The following SPA17 variants were observed in gnomAD, a reference collection of about 807,000 sequenced individuals.
SPA17 encodes sperm surface protein Sp17.
SPA17 carries 7 observed loss-of-function variants against 13.8 expected under a neutral mutation model. That is an observed-to-expected ratio of 0.51 (90% CI 0.29 to 0.95). The LOEUF is 0.95. SPA17 is among the 40% of genes least tolerant of loss of function. The probability of loss-of-function intolerance (pLI) is 0.08; values close to 1 mark genes in which losing one functional copy is unlikely to be tolerated. For synonymous variants in SPA17, 61 were observed against 59.0 expected, an observed-to-expected ratio of 1.03 and a Z score of -0.16; for missense variants, 170 against 179.3, an observed-to-expected ratio of 0.95 and a Z score of 0.30.
At chr11:124,678,174 G>A (rs1199271273) in intron 2 of SPA17, among the ~76,000 whole-genome samples, 1 of 152,180 alleles carries the variant, frequency 6.6e-6, no homozygotes, top group African/African-American at 2.4e-5. Flanking sequence ...AGGAGTTTGA[G>A]TGAACAAACT....
rs767147209 is a variant in SPA17, at chr11:124,681,395, A to G, written c.161A>G (p.Asn54Ser). 8.3e-6 allele frequency: 13 copies of G among 1,573,856 alleles called. No individual in the cohort carries two copies. The highest frequency in any genetic ancestry group is 1.1e-5 in the Non-Finnish European group (13 of 1,157,020). ...ESLLEKREKT[N>S]FDPAEWGSKV... ...TTATATTTTTATTATTTAGAAACCA[A>G]CTTTGATCCAGCAGAATGGGGGAGT... Residue 54 changes from asparagine to serine, a missense_variant, in exon 3 of 5, where the codon AAC becomes AGC. Asn to Ser is a conservative substitution (Grantham distance 46, BLOSUM62 1). Transcript: ENST00000227135.
At chr11:124,680,407 T>C (rs919520728) in intron 2 of SPA17, among the ~76,000 whole-genome samples, 13 of 152,124 alleles carry the variant, frequency 8.5e-5, no homozygotes, top group African/African-American at 3.1e-4. Context: ...CAGAAACATC[T>C]GAACTGTGAA....
chr11:124,683,427 A>G (rs1943545941), intron 3 of SPA17, among the ~76,000 whole-genome samples: 1 of 152,128 alleles, frequency 6.6e-6, no homozygotes, highest in East Asian at 1.9e-4. Flanking sequence ...CCAGAAAGCA[A>G]TTAACAATAA....
intron 2 of SPA17, among the ~76,000 whole-genome samples, chr11:124,680,043 T>C (rs969915834): frequency 6.6e-6 from 1 of 152,202 alleles, no homozygotes; most frequent in African/African-American, 2.4e-5. Context: ...CTTTAACCTT[T>C]CTTTTCTGTA....
intron 4 of SPA17, among the ~76,000 whole-genome samples, chr11:124,694,068 G>A (rs1233723340): frequency 2.0e-5 from 3 of 152,142 alleles, no homozygotes; most frequent in Non-Finnish European, 2.9e-5. Flanking sequence ...AAGAAAGTTG[G>A]CAATGATCTT....
chr11:124,692,761 C>T lies in SPA17; in HGVS notation c.312+979C>T, dbSNP rs76352627. Among the ~76,000 whole-genome samples, 1,514 of 152,224 alleles carry T rather than the reference C, an allele frequency of 9.9e-3. 11 individuals carry two copies. Among genetic ancestry groups the T allele is most frequent in the Non-Finnish European group, 0.016 (1,110 of 67,996 alleles). On this transcript the variant is annotated intron_variant, in intron 4 of 4. Coordinates refer to ENST00000227135, the MANE Select transcript of SPA17 (RefSeq NM_017425.4). The stretch of plus-strand genomic sequence containing the variant: ...AAAACACTTACCAGTACATCATTGT[C>T]TATATTCTTCATACTCCAGACTCTT...
At chr11:124,691,806 A>G (rs1016526269) in intron 4 of SPA17, 24 bp downstream of exon 4, 8 of 1,489,710 alleles carry the variant, frequency 5.4e-6, no homozygotes, top group African/African-American at 2.8e-5. Context: ...TTCATGTACT[A>G]TTGGATTCCT....
chr11:124,688,394 G>A (rs1343668931), intron 3 of SPA17, among the ~76,000 whole-genome samples: 1 of 152,146 alleles, frequency 6.6e-6, no homozygotes, highest in East Asian at 1.9e-4. Context: ...CTGTAAAGTT[G>A]CAGGATACAA....
At chr11:124,684,362 A>C (rs1179576958) in intron 3 of SPA17, among the ~76,000 whole-genome samples, 1 of 152,080 alleles carries the variant, frequency 6.6e-6, no homozygotes, top group African/African-American at 2.4e-5. Context: ...CCTGGGTTCA[A>C]GTGATTCTCC....
Position 124,695,279 on chromosome 11 carries a change from A to T in SPA17, c.*833A>T, listed in dbSNP as rs1468173371. On this transcript the variant is annotated 3_prime_UTR_variant, in exon 5 of 5. Transcript: ENST00000227135. Reference sequence around the variant, plus strand: ...ACACTCATACAACTTACAATGCTTTATTGTTTTGCTCTCCAGAACCACACA... The same window carrying T: ...ACACTCATACAACTTACAATGCTTTTTTGTTTTGCTCTCCAGAACCACACA... 2.0e-5 allele frequency: 3 copies of T among 152,228 alleles called. No individual in the cohort carries two copies. Among genetic ancestry groups the T allele is most frequent in the Non-Finnish European group, 4.4e-5 (3 of 68,048 alleles). 9.4% of individuals were successfully genotyped at this position (152,228 alleles called of 1,614,324 possible).
At chr11:124,679,065 A>C (rs986601948) in intron 2 of SPA17, among the ~76,000 whole-genome samples, 1 of 151,390 alleles carries the variant, frequency 6.6e-6, no homozygotes, top group Admixed American at 6.6e-5. Flanking sequence ...TGAACCCAGG[A>C]GGCGGAAGTT....
chr11:124,693,817 T>G (rs1297608017), intron 4 of SPA17, among the ~76,000 whole-genome samples: 1 of 152,208 alleles, frequency 6.6e-6, no homozygotes, highest in Non-Finnish European at 1.5e-5. Context: ...CTGACATTAT[T>G]GGACTAAATG....
chr11:124,682,623 C>T (rs1943539169), intron 3 of SPA17, among the ~76,000 whole-genome samples: 1 of 151,760 alleles, frequency 6.6e-6, no homozygotes, highest in Non-Finnish European at 1.5e-5. Flanking sequence ...AAAGATTTAA[C>T]AATAGACTAG....
At chr11:124,676,547 C>T (rs950212529) in intron 2 of SPA17, among the ~76,000 whole-genome samples, 1 of 152,168 alleles carries the variant, frequency 6.6e-6, no homozygotes, top group African/African-American at 2.4e-5. Context: ...TTTTTTTGCC[C>T]TGCCCTAGCA....
At position 124,694,978 on chromosome 11, in the gene SPA17, A is replaced by G. The variant is rs1232987412; in HGVS notation, c.*532A>G. 6.6e-6 allele frequency: 1 copy of G among 152,490 alleles called. No individual in the cohort carries two copies. The highest frequency in any genetic ancestry group is 1.5e-5 in the Non-Finnish European group (1 of 68,316). 9.4% of individuals were successfully genotyped at this position (152,490 alleles called of 1,614,324 possible). A position where few individuals can be genotyped will look rare whatever the true frequency, so the allele number is the denominator to read the frequency against. On this transcript the variant is annotated 3_prime_UTR_variant, in exon 5 of 5. Coordinates refer to ENST00000227135, the MANE Select transcript of SPA17 (RefSeq NM_017425.4). ...CAAAAATTGGCCAGGCGTGGTGCGC[A>G]CACCTGTAATCCCAGCTACTCGGGA...
chr11:124,679,438 T>C (rs898755673), intron 2 of SPA17, among the ~76,000 whole-genome samples: 1 of 152,246 alleles, frequency 6.6e-6, no homozygotes, highest in East Asian at 1.9e-4. Context: ...GCTAGTGTTA[T>C]TAGGAATAAG....
chr11:124,682,902 A>C (rs1366753974), intron 3 of SPA17, among the ~76,000 whole-genome samples: 1 of 128,212 alleles, frequency 7.8e-6, no homozygotes, highest in Non-Finnish European at 1.6e-5. Context: ...AATACAATGC[A>C]AAAAAAAAAA....
intron 3 of SPA17, among the ~76,000 whole-genome samples, chr11:124,685,582 T>G (rs536033184): frequency 5.3e-5 from 8 of 152,060 alleles, no homozygotes; most frequent in African/African-American, 1.4e-4. Context: ...GACCCTAGAG[T>G]GGTAGATCCA....
chr11:124,685,946 G>A (rs1347638759), intron 3 of SPA17, among the ~76,000 whole-genome samples: 2 of 152,138 alleles, frequency 1.3e-5, no homozygotes, highest in East Asian at 3.9e-4. Flanking sequence ...TAAGGAACTT[G>A]CCTTGTCTCA....
Sources: allele counts gnomAD v4.1 joint callset (sites outside exome capture counted in the v4.1 genomes callset), GRCh38; gene constraint gnomAD v4.1.1; transcripts MANE v1.5; gene names NCBI Gene and HGNC (gene_info 2026-07-23, HGNC 2026-07-21).